Variants in CNOT6 observed in about 807,000 individuals in gnomAD.
CNOT6 encodes carbon catabolite repression 4 protein.
In CNOT6, 12 loss-of-function variants were observed where a neutral mutation model predicts 61.2. The observed-to-expected ratio is 0.20, with a 90% confidence interval of 0.13 to 0.32. CNOT6 has a LOEUF of 0.32. Among genes scored for constraint, CNOT6 ranks in the 10% least tolerant of loss-of-function variants. CNOT6 has a pLI of 1.00. For synonymous variants in CNOT6, 225 were observed against 240.6 expected, an observed-to-expected ratio of 0.94 and a Z score of 0.60; for missense variants, 405 against 663.9, an observed-to-expected ratio of 0.61 and a Z score of 4.28.
chr5:180,522,588 G>A (rs1040334614), intron 1 of CNOT6, among the ~76,000 whole-genome samples: 7 of 152,032 alleles, frequency 4.6e-5, no homozygotes, highest in Admixed American at 6.6e-5. Flanking sequence ...ATGGTATCTC[G>A]TGGTTTTGAT....
At chr5:180,495,103 G>A (rs1756542538) in intron 1 of CNOT6, among the ~76,000 whole-genome samples, 1 of 152,218 alleles carries the variant, frequency 6.6e-6, no homozygotes, top group African/African-American at 2.4e-5. Flanking sequence ...CGGGACTCGT[G>A]GCCAAGATGG....
intron 2 of CNOT6, among the ~76,000 whole-genome samples, chr5:180,547,897 C>G (rs954944777): frequency 3.3e-5 from 5 of 152,074 alleles, no homozygotes; most frequent in Non-Finnish European, 7.3e-5. Flanking sequence ...GCATACCTGG[C>G]TAATTTTTGT....
intron 1 of CNOT6, among the ~76,000 whole-genome samples, chr5:180,506,690 C>G (rs528773330): frequency 4.6e-5 from 7 of 152,270 alleles, no homozygotes; most frequent in African/African-American, 1.7e-4. Context: ...TTTTAGTTCT[C>G]TTGGATATTA....
intron 2 of CNOT6, 25 bp from the exon 3 acceptor site, chr5:180,549,906 G>T: frequency 6.5e-7 from 1 of 1,548,300 alleles, no homozygotes; most frequent in East Asian, 2.3e-5. Context: ...TATATAATCC[G>T]TTCCTGTATT....
intron 4 of CNOT6, among the ~76,000 whole-genome samples, chr5:180,560,922 G>GT (rs1760141885): frequency 1.3e-5 from 2 of 150,784 alleles, no homozygotes; most frequent in African/African-American, 4.9e-5. Context: ...GTTGTTGTTG[G>GT]TGGTGGTGGT....
At chr5:180,495,551 G>T (rs923682687) in intron 1 of CNOT6, 1 of 152,216 alleles carries the variant, frequency 6.6e-6, no homozygotes, top group African/African-American at 2.4e-5. Context: ...GTTGTGAATG[G>T]TCATCTCGCT....
At chr5:180,519,352 C>G (rs1211888935) in intron 1 of CNOT6, among the ~76,000 whole-genome samples, 1 of 152,180 alleles carries the variant, frequency 6.6e-6, no homozygotes, top group Non-Finnish European at 1.5e-5. Context: ...TTGGTTAGAG[C>G]TTGACATTAG....
At chr5:180,565,276 C>T (rs953690046) in intron 6 of CNOT6, among the ~76,000 whole-genome samples, 1 of 152,232 alleles carries the variant, frequency 6.6e-6, no homozygotes, top group African/African-American at 2.4e-5. Context: ...GAGAGCCAAA[C>T]CCTTACTTAG....
In CNOT6 at chr5:180,536,353, C is replaced by A. The variant is rs1026084218; in HGVS notation, c.112+6965C>A. 3.4e-4 allele frequency among the ~76,000 whole-genome samples: 51 copies of A among 151,868 alleles called. 1 individual carries two copies. Among genetic ancestry groups the A allele is most frequent in the African/African-American group, 1.2e-3 (50 of 41,424 alleles). ...TTCCTTGTAGATTCTATATAGTAAC[C>A]CTTTGTCAGATGTGTAGTTGCCAAT... On this transcript the variant is annotated intron_variant, in intron 2 of 11. Coordinates refer to ENST00000261951, the MANE Select transcript of CNOT6 (RefSeq NM_001370472.1).
At chr5:180,506,057 C>A (rs771109693) in intron 1 of CNOT6, among the ~76,000 whole-genome samples, 1 of 152,130 alleles carries the variant, frequency 6.6e-6, no homozygotes, top group Non-Finnish European at 1.5e-5. Flanking sequence ...CTTGGTCTTG[C>A]AAGTGATAGA....
At chr5:180,522,285 A>AT (rs1210860941) in intron 1 of CNOT6, among the ~76,000 whole-genome samples, 129 of 147,858 alleles carry the variant, frequency 8.7e-4, no homozygotes, top group South Asian at 1.7e-3. Flanking sequence ...TAATTTTTGT[A>AT]TTTTTTTTTT....
At chr5:180,535,911 T>A (rs1280140314) in intron 2 of CNOT6, among the ~76,000 whole-genome samples, 2 of 152,104 alleles carry the variant, frequency 1.3e-5, no homozygotes, top group Non-Finnish European at 2.9e-5. Context: ...ATTATTGATG[T>A]TGAGCATTTT....
intron 2 of CNOT6, among the ~76,000 whole-genome samples, chr5:180,533,686 A>G (rs1476411299): frequency 6.6e-6 from 1 of 152,300 alleles, no homozygotes; most frequent in Non-Finnish European, 1.5e-5. Context: ...AAGTGCTGGT[A>G]TTACAGACAT....
intron 4 of CNOT6, among the ~76,000 whole-genome samples, chr5:180,555,009 G>A (rs1202707820): frequency 6.1e-5 from 9 of 148,468 alleles, no homozygotes; most frequent in Non-Finnish European, 1.3e-4. Context: ...TCACAAATTT[G>A]CTTTTTTTTT....
intron 10 of CNOT6, among the ~76,000 whole-genome samples, chr5:180,569,938 T>A (rs1760658038): frequency 6.6e-6 from 1 of 152,222 alleles, no homozygotes; most frequent in African/African-American, 2.4e-5. Flanking sequence ...TGTTTCTTTC[T>A]TTTTGTGTTT....
chr5:180,500,483 G>A (rs1388395818), intron 1 of CNOT6, among the ~76,000 whole-genome samples: 1 of 150,438 alleles, frequency 6.6e-6, no homozygotes, highest in African/African-American at 2.5e-5. Context: ...TGTTGCCCAG[G>A]CTAGAGTGCA....
intron 2 of CNOT6, among the ~76,000 whole-genome samples, chr5:180,541,440 A>ATTTTTTTTTTTTTTTTTTTTTTT (rs1176286473): frequency 2.9e-5 from 3 of 102,928 alleles, no homozygotes; most frequent in African/African-American, 3.7e-5. Context: ...CTGGCCAAGA[A>ATTTTTTTTTTTTTTTTTTTTTTT]ATTTTTTTTT....
At chr5:180,525,627 A>G (rs1170595074) in intron 1 of CNOT6, among the ~76,000 whole-genome samples, 1 of 152,140 alleles carries the variant, frequency 6.6e-6, no homozygotes, top group East Asian at 1.9e-4. Flanking sequence ...AATCAGACTC[A>G]TTTAAAGCCT....
chr5:180,505,673 G>A (rs1482408920), intron 1 of CNOT6, among the ~76,000 whole-genome samples: 8 of 150,560 alleles, frequency 5.3e-5, no homozygotes, highest in South Asian at 4.2e-4. Flanking sequence ...TCAGCCTCCC[G>A]CGTAGCTGGG....
Sources: gnomAD v4.1 joint callset for allele counts (sites outside exome capture counted in the v4.1 genomes callset) on GRCh38, gnomAD v4.1.1 for gene constraint, MANE v1.5 for transcripts, NCBI Gene and HGNC (gene_info 2026-07-23, HGNC 2026-07-21) for gene names.